The following FHIT variants were observed in gnomAD, a reference collection of about 807,000 sequenced individuals.
FHIT encodes the protein bis(5'-adenosyl)-triphosphatase.
A neutral mutation model predicts 17.9 loss-of-function variants in FHIT; 19 were observed. That is an observed-to-expected ratio of 1.06 (90% CI 0.74 to 1.56). FHIT has a LOEUF of 1.56. Ranked by LOEUF, FHIT falls within the 40% of genes most tolerant of loss-of-function variation. The pLI is 0.00. For missense variants in FHIT, 248 were observed against 189.2 expected (o/e 1.31, Z -1.82); for synonymous variants, 81 against 69.7 (o/e 1.16, Z -0.81).
At chr3:60,890,014 C>T (rs1427593057) in intron 3 of FHIT, among the ~76,000 whole-genome samples, 1 of 152,030 alleles carries the variant, frequency 6.6e-6, no homozygotes, top group Non-Finnish European at 1.5e-5. Context: ...AGTTTATGAA[C>T]ATCCAAATAA....
At chr3:60,595,417 A>C (rs1213197765) in intron 4 of FHIT, among the ~76,000 whole-genome samples, 1 of 151,002 alleles carries the variant, frequency 6.6e-6, no homozygotes, top group Non-Finnish European at 1.5e-5. Context: ...GCAGTGAGCC[A>C]TGTATTAAAG....
intron 7 of FHIT, among the ~76,000 whole-genome samples, chr3:59,930,491 T>C (rs1705915724): frequency 6.6e-6 from 1 of 152,062 alleles, no homozygotes. Flanking sequence ...CCCAAAGCCC[T>C]AGAGCTTCCA....
At chr3:59,784,319 C>T (rs868025633) in intron 8 of FHIT, among the ~76,000 whole-genome samples, 1 of 152,196 alleles carries the variant, frequency 6.6e-6, no homozygotes, top group Admixed American at 6.5e-5. Context: ...TTCTCAGTAT[C>T]CATTCTCTCA....
intron 5 of FHIT, among the ~76,000 whole-genome samples, chr3:60,175,619 A>G (rs1445020764): frequency 6.6e-6 from 1 of 152,170 alleles, no homozygotes; most frequent in African/African-American, 2.4e-5. Flanking sequence ...GAGAGGTAAG[A>G]TAGAAGATAA....
intron 3 of FHIT, among the ~76,000 whole-genome samples, chr3:60,849,029 T>G (rs782268637): frequency 6.6e-6 from 1 of 152,170 alleles, no homozygotes; most frequent in South Asian, 2.1e-4. Context: ...AATACATTCC[T>G]TTTAAAGTAT....
Position 61,036,901 on chromosome 3 carries a change from G to GTTTTTTTTTTTTT in FHIT, c.-111+5145_-111+5146insAAAAAAAAAAAAA, listed in dbSNP as rs746649804. ...TTCACCTCAAAGATCAGTCTGCTTTGTTTTTTTTTTTTGTTTGTTTGTTTT... is the reference window on the plus strand; with the variant it reads ...TTCACCTCAAAGATCAGTCTGCTTTGTTTTTTTTTTTTTTTTTTTTTTTTTGTTTGTTTGTTTT... On this transcript the variant is annotated intron_variant, in intron 3 of 9. Transcript: ENST00000492590. Among the ~76,000 whole-genome samples the GTTTTTTTTTTTTT allele has an allele frequency of 7.8e-4, 55 of 70,288 alleles. 1 individual carries two copies. The highest frequency in any genetic ancestry group is 2.1e-3 in the South Asian group (3 of 1,462). 46.1% of individuals were successfully genotyped at this position (70,288 alleles called of 152,430 possible).
At chr3:59,800,973 G>C (rs999773934) in intron 8 of FHIT, among the ~76,000 whole-genome samples, 1 of 152,192 alleles carries the variant, frequency 6.6e-6, no homozygotes, top group African/African-American at 2.4e-5. Flanking sequence ...CCCCTTCCCA[G>C]CTCATCGCAA....
intron 5 of FHIT, among the ~76,000 whole-genome samples, chr3:60,137,673 G>A (rs1246106800): frequency 6.6e-6 from 1 of 152,132 alleles, no homozygotes; most frequent in African/African-American, 2.4e-5. Context: ...GAAATCTGAG[G>A]TCTTTGGATA....
Position 61,034,213 on chromosome 3 carries a change from T to C in FHIT, c.-111+7834A>G, listed in dbSNP as rs185365129. On this transcript the variant is annotated intron_variant, in intron 3 of 9. Transcript: ENST00000492590. ...ATTACCCTCACATTTGGCAATGAAT[T>C]CTTATATATGACACCAAAAGCACAA... is the stretch of plus-strand genomic sequence containing the variant. 7.4e-4 allele frequency among the ~76,000 whole-genome samples: 113 copies of C among 152,164 alleles called. 1 individual carries two copies. In the East Asian group the frequency reaches 0.021, roughly 28 times the overall value.
chr3:59,970,492 T>A (rs534943111), intron 7 of FHIT, among the ~76,000 whole-genome samples: 10 of 152,236 alleles, frequency 6.6e-5, no homozygotes, highest in Non-Finnish European at 1.3e-4. Context: ...AAAGACAAGC[T>A]GACAAATTTA....
At chr3:60,829,896 G>A (rs1196423843) in intron 3 of FHIT, among the ~76,000 whole-genome samples, 10 of 144,600 alleles carry the variant, frequency 6.9e-5, no homozygotes, top group African/African-American at 2.3e-4. Context: ...TTTGTAAAAG[G>A]ATTTTACATC....
At chr3:60,985,053 A>C (rs1246992628) in intron 3 of FHIT, among the ~76,000 whole-genome samples, 1 of 152,102 alleles carries the variant, frequency 6.6e-6, no homozygotes, top group Non-Finnish European at 1.5e-5. Flanking sequence ...CACATTCCTC[A>C]TATTACTCTC....
intron 8 of FHIT, among the ~76,000 whole-genome samples, chr3:59,884,191 AACAAAAG>A: frequency 6.6e-6 from 1 of 152,230 alleles, no homozygotes; most frequent in Admixed American, 6.5e-5. Flanking sequence ...AACAAACATT[AACAAAAG>A]CATTCTGTGA....
chr3:61,005,716 C>T (rs894327885), intron 3 of FHIT, among the ~76,000 whole-genome samples: 9 of 151,952 alleles, frequency 5.9e-5, no homozygotes, highest in Non-Finnish European at 4.4e-5. Flanking sequence ...GTGTGTGAAA[C>T]GCAATAATTA....
intron 4 of FHIT, chr3:60,690,568 T>C: frequency 1.8e-6 from 1 of 546,762 alleles, no homozygotes; most frequent in East Asian, 4.8e-5. Context: ...GTGAAAGCAG[T>C]AACCCTCATA....
chr3:60,453,975 A>T (rs1230636884), intron 5 of FHIT, among the ~76,000 whole-genome samples: 1 of 152,112 alleles, frequency 6.6e-6, no homozygotes, highest in Non-Finnish European at 1.5e-5. Context: ...AGAAAAAAAA[A>T]TAACCTAAGC....
intron 4 of FHIT, among the ~76,000 whole-genome samples, chr3:60,720,228 C>T (rs907476871): frequency 1.3e-5 from 2 of 152,110 alleles, no homozygotes; most frequent in African/African-American, 4.8e-5. Context: ...GTCATCAGTG[C>T]CTTCCCCTCA....
chr3:60,260,380 TCAGGAGAAA>T (rs1478429782), intron 5 of FHIT, among the ~76,000 whole-genome samples: 1 of 151,136 alleles, frequency 6.6e-6, no homozygotes, highest in African/African-American at 2.4e-5. Flanking sequence ...AAAAATAGTG[TCAGGAGAAA>T]CAAAGTGTAA....
intron 5 of FHIT, among the ~76,000 whole-genome samples, chr3:60,135,372 T>C (rs1210820184): frequency 6.6e-6 from 1 of 152,046 alleles, no homozygotes; most frequent in Non-Finnish European, 1.5e-5. Flanking sequence ...GCAGAAAAAC[T>C]GTGCAGATCA....
Sources: gnomAD v4.1 joint callset for allele counts (sites outside exome capture counted in the v4.1 genomes callset) on GRCh38, gnomAD v4.1.1 for gene constraint, MANE v1.5 for transcripts, NCBI Gene and HGNC (gene_info 2026-07-23, HGNC 2026-07-21) for gene names.